Variants in MEI1 observed in about 807,000 individuals in gnomAD.
The protein encoded by MEI1 is meiosis inhibitor protein 1.
Under a neutral mutation model 146.2 loss-of-function variants are expected in MEI1, and 103 were observed. That is an observed-to-expected ratio of 0.70 (90% CI 0.60 to 0.83). The LOEUF (loss-of-function observed/expected upper bound fraction) is 0.83, where lower values mean the gene tolerates loss of function less well. MEI1 is among the 40% of genes least tolerant of loss of function. The pLI is 0.00. For synonymous variants in MEI1, 652 were observed against 628.2 expected, an observed-to-expected ratio of 1.04 and a Z score of -0.57; for missense variants, 1,529 against 1,533.0, an observed-to-expected ratio of 1.00 and a Z score of 0.04.
rs2073194114 is a variant in MEI1, at chr22:41,745,171, C to T, written c.1538+107C>T. ...GCAACACTTGATTTCTGATACTCTGCTGTATGGCAAAGAGGACTTTGGCTG... is the reference window on the plus strand; with the variant it reads ...GCAACACTTGATTTCTGATACTCTGTTGTATGGCAAAGAGGACTTTGGCTG... On this transcript the variant is annotated intron_variant, in intron 13 of 30. Transcript: ENST00000401548. The T allele has an allele frequency of 1.0e-5, 8 of 803,030 alleles. No homozygotes were observed. In the South Asian group the frequency reaches 2.0e-4, roughly 20 times the overall value. The allele number at this position is 803,030 out of a possible 1,614,324, so 49.7% of individuals were successfully genotyped here. A position where few individuals can be genotyped will look rare whatever the true frequency, so the allele number is the denominator to read the frequency against.
At chr22:41,766,998 C>T (rs2074898811) in intron 19 of MEI1, among the ~76,000 whole-genome samples, 3 of 152,184 alleles carry the variant, frequency 2.0e-5, no homozygotes, top group Non-Finnish European at 2.9e-5. Flanking sequence ...TTGTTCTGGG[C>T]AGCTGGTTGG....
At chr22:41,729,596 C>A (rs1263106032) in intron 7 of MEI1, 69 bp from the exon 8 acceptor site, 24 of 939,900 alleles carry the variant, frequency 2.6e-5, no homozygotes, top group Non-Finnish European at 3.4e-6. Flanking sequence ...TGCCCTGAGG[C>A]ACCTAGGCCA....
At position 41,714,054 on chromosome 22, in the gene MEI1, G is replaced by A; in HGVS notation, c.402G>A (p.Leu134=). Reference sequence around the variant, plus strand: ...AGCTGGAGCAGACTATCCGTTGCCTGCTGGATGAGTGCCACAAAGAGGTCA... The same window carrying A: ...AGCTGGAGCAGACTATCCGTTGCCTACTGGATGAGTGCCACAAAGAGGTCA... ...QLKLEQTIRC[L]LDECHKELCN... is the part of the protein sequence containing the mutation. Residue 134 remains leucine, a synonymous_variant, in exon 4 of 31, where the codon CTG becomes CTA. Transcript: ENST00000401548. 2 of 1,600,356 alleles carry A rather than the reference G, an allele frequency of 1.2e-6. No individual in the cohort carries two copies. Among genetic ancestry groups the A allele is most frequent in the Admixed American group, 1.7e-5 (1 of 57,756 alleles).
intron 1 of MEI1, 108 bp downstream of exon 1, chr22:41,699,820 G>C (rs1206151411): frequency 1.5e-6 from 2 of 1,336,052 alleles, no homozygotes; most frequent in Non-Finnish European, 2.0e-6. Flanking sequence ...GCGAAACCGG[G>C]CCCCCGCGCT....
intron 23 of MEI1, 142 bp from the exon 24 acceptor site, chr22:41,781,543 G>T: frequency 8.6e-7 from 1 of 1,167,040 alleles, no homozygotes; most frequent in Non-Finnish European, 1.2e-6. Context: ...CTGAGCTTCT[G>T]TTATGAAGCT....
intron 3 of MEI1, among the ~76,000 whole-genome samples, chr22:41,708,453 C>G (rs1378649926): frequency 6.6e-6 from 1 of 151,000 alleles, no homozygotes; most frequent in Non-Finnish European, 1.5e-5. Context: ...ATTAAAGATA[C>G]TTTCCATAAA....
chr22:41,762,755 A>AT (rs1236753378), intron 18 of MEI1, among the ~76,000 whole-genome samples: 11 of 151,384 alleles, frequency 7.3e-5, no homozygotes, highest in African/African-American at 2.4e-4. Flanking sequence ...TAATTTATCC[A>AT]TTTTTTTCTT....
intron 11 of MEI1, among the ~76,000 whole-genome samples, chr22:41,733,898 C>T (rs1026366901): frequency 8.0e-5 from 12 of 150,028 alleles, no homozygotes; most frequent in Admixed American, 3.3e-4. Context: ...AGGCCAAGGT[C>T]GGCGGACCAC....
At chr22:41,701,890 G>A (rs1190900000) in intron 1 of MEI1, among the ~76,000 whole-genome samples, 1 of 152,192 alleles carries the variant, frequency 6.6e-6, no homozygotes, top group African/African-American at 2.4e-5. Flanking sequence ...GGGATAATCA[G>A]AGTGTTTGAA....
chr22:41,701,822 C>T (rs755219570), intron 1 of MEI1, among the ~76,000 whole-genome samples: 10 of 151,980 alleles, frequency 6.6e-5, no homozygotes, highest in Non-Finnish European at 8.8e-5. Flanking sequence ...GAGATTTGGA[C>T]CAGAGGAAGT....
At chr22:41,708,536 T>G (rs1470985007) in intron 3 of MEI1, among the ~76,000 whole-genome samples, 1 of 152,212 alleles carries the variant, frequency 6.6e-6, no homozygotes, top group Admixed American at 6.5e-5. Context: ...AACTCCCGTC[T>G]TCAGTGGATA....
chr22:41,774,637 A>T (rs1233656231), intron 20 of MEI1: 1 of 152,224 alleles, frequency 6.6e-6, no homozygotes, highest in East Asian at 1.9e-4. Flanking sequence ...CTCACAGTGC[A>T]GTTTAATTTA....
At position 41,778,821 on chromosome 22, in the gene MEI1, G is replaced by A; in HGVS notation, c.2815+9G>A. 1.3e-6 allele frequency: 2 copies of A among 1,592,640 alleles called. No individual in the cohort carries two copies. Among genetic ancestry groups the A allele is most frequent in the Non-Finnish European group, 1.7e-6 (2 of 1,169,350 alleles). ...GAAGCTCCTTCACCAAGGTGCCCTG[G>A]CTGCTTGGGATAGCGCCCAAGGGCC... On this transcript the variant is annotated intron_variant, in intron 22 of 30. Coordinates refer to ENST00000401548, the MANE Select transcript of MEI1 (RefSeq NM_152513.4).
At chr22:41,735,979 A>AT (rs1238932908) in intron 11 of MEI1, among the ~76,000 whole-genome samples, 1 of 152,212 alleles carries the variant, frequency 6.6e-6, no homozygotes, top group African/African-American at 2.4e-5. Flanking sequence ...AACAACAGGT[A>AT]TTTACCTTCT....
chr22:41,757,538 G>A (rs974945434), intron 17 of MEI1, among the ~76,000 whole-genome samples: 5 of 151,692 alleles, frequency 3.3e-5, no homozygotes, highest in South Asian at 2.1e-4. Context: ...TTGTATTTTT[G>A]TAGGGACGGG....
Position 41,745,041 on chromosome 22 carries a change from G to A in MEI1, c.1515G>A (p.Leu505=). 1.3e-6 allele frequency: 2 copies of A among 1,561,348 alleles called. No individual in the cohort carries two copies. The highest frequency in any genetic ancestry group is 2.4e-5 in the East Asian group (1 of 42,254). ...GGGGAAAGTTCCTCCTCAGCACTCT[G>A]GAGGGATTTAGAAGTGCCTGCAGGT... ...LQRGKFLLST[L]EGFRSACRLA... is the part of the protein sequence containing the mutation. The change falls in exon 13 of 31, where the codon CTG becomes CTA. Residue 505 remains leucine (L), a synonymous_variant. Transcript: ENST00000401548.
intron 11 of MEI1, among the ~76,000 whole-genome samples, chr22:41,734,129 AAAAATAAAAT>A (rs57256126): frequency 7.8e-4 from 117 of 150,914 alleles, no homozygotes; most frequent in Admixed American, 4.9e-3. Context: ...TTCTGTCTCA[AAAAATAAAAT>A]AAAATAAAAT....
intron 22 of MEI1, 108 bp from the exon 23 acceptor site, chr22:41,781,176 G>C: frequency 2.7e-6 from 2 of 745,544 alleles, no homozygotes; most frequent in Non-Finnish European, 4.6e-6. Flanking sequence ...TACTTAGTTT[G>C]TGCTTGCTCC....
At chr22:41,750,155 C>T (rs2073651430) in intron 15 of MEI1, among the ~76,000 whole-genome samples, 1 of 152,178 alleles carries the variant, frequency 6.6e-6, no homozygotes, top group Admixed American at 6.5e-5. Context: ...GCTGACTCCT[C>T]AGTGGGGATC....
Sources: allele counts gnomAD v4.1 joint callset (sites outside exome capture counted in the v4.1 genomes callset), GRCh38; gene constraint gnomAD v4.1.1; transcripts MANE v1.5; gene names NCBI Gene and HGNC (gene_info 2026-07-23, HGNC 2026-07-21).